BAZ2B: variants seen among roughly 807,000 people sequenced by gnomAD.
BAZ2B encodes the protein bromodomain adjacent to zinc finger domain 2B, also known as bromodomain adjacent to zinc finger domain protein 2B.
Under a neutral mutation model 246.0 loss-of-function variants are expected in BAZ2B, and 91 were observed. The observed-to-expected ratio is 0.37, with a 90% confidence interval of 0.31 to 0.44. The LOEUF is 0.44. Among genes scored for constraint, BAZ2B ranks in the 20% least tolerant of loss-of-function variants. The probability of loss-of-function intolerance (pLI) is 1.00; values close to 1 mark genes in which losing one functional copy is unlikely to be tolerated. For synonymous variants in BAZ2B, 855 were observed against 860.0 expected (o/e 0.99, Z 0.10); for missense variants, 2,332 against 2,533.7 (o/e 0.92, Z 1.71).
chr2:159,686,038 G>T, the BAZ2B span, among the ~76,000 whole-genome samples: 1 of 152,210 alleles, frequency 6.6e-6, no homozygotes, highest in Non-Finnish European at 1.5e-5. Context: ...GAGGCAGGAG[G>T]ATCGCTGAAG....
chr2:159,364,695 C>T (rs1403105014), intron 27 of BAZ2B, among the ~76,000 whole-genome samples: 1 of 152,168 alleles, frequency 6.6e-6, no homozygotes, highest in Non-Finnish European at 1.5e-5. Flanking sequence ...TTTGTGACTT[C>T]TGTTAGTAGC....
chr2:159,544,774 AAT>A (rs1326541956), intron 2 of BAZ2B, among the ~76,000 whole-genome samples: 2 of 152,212 alleles, frequency 1.3e-5, no homozygotes, highest in Non-Finnish European at 2.9e-5. Context: ...GAGAAAAGGA[AAT>A]ATGTGGAAAA....
chr2:159,318,604 T>C (rs946935078), downstream of BAZ2B, among the ~76,000 whole-genome samples: 1 of 152,256 alleles, frequency 6.6e-6, no homozygotes, highest in Admixed American at 6.5e-5. Context: ...TTGCATTTCT[T>C]GAATTCTTGG....
At chr2:159,701,473 C>T in the BAZ2B span, among the ~76,000 whole-genome samples, 1 of 151,346 alleles carries the variant, frequency 6.6e-6, no homozygotes, top group Non-Finnish European at 1.5e-5. Flanking sequence ...ACTTACTCAT[C>T]TGTATGGATT....
chr2:159,582,417 C>G (rs1200687414), intron 1 of BAZ2B, among the ~76,000 whole-genome samples: 2 of 151,626 alleles, frequency 1.3e-5, no homozygotes, highest in East Asian at 3.9e-4. Flanking sequence ...AGTTCACATA[C>G]TTTTTTTTTG....
At chr2:159,630,073 C>T in the BAZ2B span, among the ~76,000 whole-genome samples, 1 of 152,098 alleles carries the variant, frequency 6.6e-6, no homozygotes, top group Non-Finnish European at 1.5e-5. Flanking sequence ...AGGAACAGTA[C>T]AGTATGTGGG....
At chr2:159,401,511 A>G (rs2149753782) in intron 16 of BAZ2B, among the ~76,000 whole-genome samples, 1 of 152,312 alleles carries the variant, frequency 6.6e-6, no homozygotes, top group South Asian at 2.1e-4. Flanking sequence ...CCATTCTAAA[A>G]TTTATTTCAT....
At chr2:159,478,437 A>G (rs943150056) in intron 3 of BAZ2B, 138 bp downstream of exon 3, 1 of 867,228 alleles carries the variant, frequency 1.2e-6, no homozygotes. Context: ...AAAAAGCAAA[A>G]AGACTAGGTG....
At chr2:159,568,977 G>A (rs1683280724) in intron 1 of BAZ2B, among the ~76,000 whole-genome samples, 1 of 151,900 alleles carries the variant, frequency 6.6e-6, no homozygotes, top group Admixed American at 6.6e-5. Context: ...TAGGGTTTTC[G>A]TGACACTAGA....
At position 159,607,226 on chromosome 2, in the gene BAZ2B, A is replaced by C. The variant is rs544742426; in HGVS notation, c.-46+9016T>G. ...TCTGCTTGTCTTCTGCATTCATCCG[A>C]AGGAACTAAAAGAAGTAAAAGTGTT... is the stretch of plus-strand genomic sequence containing the variant. On this transcript the variant is annotated intron_variant, in intron 1 of 36. Transcript: ENST00000392783. Among the ~76,000 whole-genome samples the C allele has an allele frequency of 1.1e-4, 16 of 152,222 alleles. No individual in the cohort carries two copies. In the East Asian group the frequency reaches 3.1e-3, roughly 29 times the overall value.
At chr2:159,706,143 A>T in the BAZ2B span, among the ~76,000 whole-genome samples, 1 of 144,870 alleles carries the variant, frequency 6.9e-6, no homozygotes, top group African/African-American at 2.4e-5. Context: ...GCAGAAAGTA[A>T]GGTGGGAGGA....
the BAZ2B span, among the ~76,000 whole-genome samples, chr2:159,649,301 G>A: frequency 6.6e-6 from 1 of 151,942 alleles, no homozygotes; most frequent in African/African-American, 2.4e-5. Flanking sequence ...ATCTGGGGGT[G>A]ATGGGAGACA....
chr2:159,471,465 C>CT (rs1029692592), intron 3 of BAZ2B, among the ~76,000 whole-genome samples: 2 of 152,198 alleles, frequency 1.3e-5, no homozygotes, highest in African/African-American at 2.4e-5. Flanking sequence ...CTGTGCTTGC[C>CT]TGTAGTCCCA....
At chr2:159,657,459 C>A in the BAZ2B span, among the ~76,000 whole-genome samples, 1 of 152,078 alleles carries the variant, frequency 6.6e-6, no homozygotes, top group South Asian at 2.1e-4. Flanking sequence ...TTTGTCTTTA[C>A]GTATAAACTT....
At chr2:159,562,119 C>T (rs1440845408) in intron 1 of BAZ2B, among the ~76,000 whole-genome samples, 1 of 152,140 alleles carries the variant, frequency 6.6e-6, no homozygotes, top group African/African-American at 2.4e-5. Flanking sequence ...ATTACACCAT[C>T]CTTTCTGGAA....
intron 14 of BAZ2B, among the ~76,000 whole-genome samples, chr2:159,406,641 C>A (rs1180210066): frequency 6.6e-6 from 1 of 152,156 alleles, no homozygotes; most frequent in African/African-American, 2.4e-5. Flanking sequence ...AACAAAGAAA[C>A]CTAAATTATG....
At chr2:159,658,429 G>A in the BAZ2B span, among the ~76,000 whole-genome samples, 1 of 152,166 alleles carries the variant, frequency 6.6e-6, no homozygotes, top group Admixed American at 6.5e-5. Flanking sequence ...GATCTCCTGA[G>A]TTCAAGAGAT....
intron 3 of BAZ2B, chr2:159,462,916 C>G: frequency 6.4e-7 from 1 of 1,554,560 alleles, no homozygotes; most frequent in Non-Finnish European, 8.9e-7. Flanking sequence ...AGACCTCCAT[C>G]TACTTGTTTT....
chr2:159,568,047 A>T (rs1160882921), intron 1 of BAZ2B, among the ~76,000 whole-genome samples: 1 of 152,202 alleles, frequency 6.6e-6, no homozygotes, highest in Admixed American at 6.5e-5. Flanking sequence ...AATCTCTGGA[A>T]AGTGCACAAT....
Sources: allele counts gnomAD v4.1 joint callset (sites outside exome capture counted in the v4.1 genomes callset), GRCh38; gene constraint gnomAD v4.1.1; transcripts MANE v1.5; gene names NCBI Gene and HGNC (gene_info 2026-07-23, HGNC 2026-07-21).